Variants in GABRB3 observed in about 807,000 individuals in gnomAD.
GABRB3 encodes gamma-aminobutyric acid receptor subunit beta-3.
Under a neutral mutation model 52.1 loss-of-function variants are expected in GABRB3, and 14 were observed. That is an observed-to-expected ratio of 0.27 (90% confidence interval 0.18 to 0.42). The LOEUF (loss-of-function observed/expected upper bound fraction) is 0.42, where lower values mean the gene tolerates loss of function less well. Among genes scored for constraint, GABRB3 ranks in the 10% least tolerant of loss-of-function variants. The probability of loss-of-function intolerance (pLI) is 1.00; values close to 1 mark genes in which losing one functional copy is unlikely to be tolerated. For synonymous variants in GABRB3, 260 were observed against 232.3 expected, an observed-to-expected ratio of 1.12 and a Z score of -1.08; for missense variants, 307 against 609.1, an observed-to-expected ratio of 0.50 and a Z score of 5.22.
At chr15:26,634,955 T>C (rs367972258) in intron 3 of GABRB3, among the ~76,000 whole-genome samples, 47,070 of 117,310 alleles carry the variant, frequency 0.4, 9,903 homozygotes, top group Middle Eastern at 0.52. Context: ...GATAACTTTC[T>C]CAAGTAAGTA....
At chr15:26,634,163 C>G (rs970797358) in intron 3 of GABRB3, among the ~76,000 whole-genome samples, 15 of 152,186 alleles carry the variant, frequency 9.9e-5, no homozygotes, top group African/African-American at 3.6e-4. Context: ...TGATCAGCCT[C>G]TGGGTCTTCG....
At chr15:26,769,880 T>TA (rs1380780264) in intron 3 of GABRB3, among the ~76,000 whole-genome samples, 1 of 152,174 alleles carries the variant, frequency 6.6e-6, no homozygotes, top group African/African-American at 2.4e-5. Flanking sequence ...ACAACACACT[T>TA]AAAGTGAGAC....
chr15:26,684,723 A>C (rs1346541214), intron 3 of GABRB3, among the ~76,000 whole-genome samples: 1 of 152,128 alleles, frequency 6.6e-6, no homozygotes, highest in Non-Finnish European at 1.5e-5. Context: ...AGAGAAAGAG[A>C]GAGACGGTTG....
intron 3 of GABRB3, among the ~76,000 whole-genome samples, chr15:26,685,706 G>A (rs1888379331): frequency 6.6e-6 from 1 of 151,970 alleles, no homozygotes; most frequent in African/African-American, 2.4e-5. Flanking sequence ...TAGTAGGAGT[G>A]GGCCTCTAAC....
chr15:26,606,817 G>GATATATTGATAGATAT (rs1566770790), intron 4 of GABRB3, among the ~76,000 whole-genome samples: 1 of 12,952 alleles, frequency 7.7e-5, no homozygotes, highest in Non-Finnish European at 3.1e-4. Flanking sequence ...TAGATAGATA[G>GATATATTGATAGATAT]ATAGATAGAT....
chr15:26,620,994 C>T (rs1386929385), intron 4 of GABRB3, among the ~76,000 whole-genome samples: 3 of 152,028 alleles, frequency 2.0e-5, no homozygotes, highest in African/African-American at 7.3e-5. Flanking sequence ...AGTGTCAGGG[C>T]GATATTAATT....
intron 3 of GABRB3, among the ~76,000 whole-genome samples, chr15:26,638,248 A>G (rs1893106935): frequency 6.6e-6 from 1 of 151,814 alleles, no homozygotes; most frequent in Non-Finnish European, 1.5e-5. Context: ...TCCTCATCCT[A>G]CTCAATATCT....
intron 3 of GABRB3, among the ~76,000 whole-genome samples, chr15:26,664,930 C>A (rs946344632): frequency 7.2e-5 from 11 of 151,878 alleles, no homozygotes; most frequent in African/African-American, 2.7e-4. Flanking sequence ...AAACTCCCGA[C>A]CTCAGGTGAT....
At chr15:26,624,294 C>A (rs1892600624) in intron 3 of GABRB3, 1 of 985,528 alleles carries the variant, frequency 1.0e-6, no homozygotes, top group Admixed American at 6.1e-5. Context: ...GTGGTGGCGA[C>A]CACAGAGTTT....
rs1169090796 is a variant in GABRB3 at position 26,545,926 on chromosome 15, G to C, written c.*1867C>G. 6.6e-6 allele frequency: 1 copy of C among 152,604 alleles called. No individual in the cohort carries two copies. Among genetic ancestry groups the C allele is most frequent in the Non-Finnish European group, 1.5e-5 (1 of 68,046 alleles). The allele number at this position is 152,604 out of a possible 1,614,324, so 9.5% of individuals were successfully genotyped here. On this transcript the variant is annotated 3_prime_UTR_variant, in exon 9 of 9. Coordinates refer to ENST00000311550, the MANE Select transcript of GABRB3 (RefSeq NM_000814.6). ...TTTTGTGGATTATGTTTTATCTGAT[G>C]GTGGGTTTTGAACTGTTGCAGATGC...
intron 3 of GABRB3, among the ~76,000 whole-genome samples, chr15:26,760,353 G>A (rs902912386): frequency 6.6e-6 from 1 of 152,130 alleles, no homozygotes; most frequent in African/African-American, 2.4e-5. Context: ...TTAGAAAGAT[G>A]ATCAAACTGA....
At chr15:26,596,639 T>G (rs1312375969) in intron 4 of GABRB3, among the ~76,000 whole-genome samples, 1 of 151,958 alleles carries the variant, frequency 6.6e-6, no homozygotes, top group Non-Finnish European at 1.5e-5. Flanking sequence ...TATAATATAA[T>G]CCACTGCAGA....
At chr15:26,604,022 C>T (rs1296918456) in intron 4 of GABRB3, among the ~76,000 whole-genome samples, 2 of 152,018 alleles carry the variant, frequency 1.3e-5, no homozygotes, top group African/African-American at 2.4e-5. Flanking sequence ...AATTGGAAAA[C>T]CTTGAGACTC....
intron 3 of GABRB3, among the ~76,000 whole-genome samples, chr15:26,641,766 G>A (rs1391265606): frequency 1.3e-5 from 2 of 152,300 alleles, no homozygotes; most frequent in Middle Eastern, 3.4e-3. Flanking sequence ...CCATACTGAT[G>A]TCCTGCACTA....
At chr15:26,766,253 C>A (rs767515815) in intron 3 of GABRB3, among the ~76,000 whole-genome samples, 4 of 151,980 alleles carry the variant, frequency 2.6e-5, no homozygotes, top group Non-Finnish European at 4.4e-5. Flanking sequence ...GACACAGACC[C>A]CTATGAGAAA....
chr15:26,715,783 C>A (rs1445699713), intron 3 of GABRB3, among the ~76,000 whole-genome samples: 1 of 152,098 alleles, frequency 6.6e-6, no homozygotes, highest in African/African-American at 2.4e-5. Context: ...GTCTTGTGTG[C>A]AAAATCCATT....
At chr15:26,723,815 G>A (rs907199973) in intron 3 of GABRB3, among the ~76,000 whole-genome samples, 4 of 152,248 alleles carry the variant, frequency 2.6e-5, no homozygotes, top group East Asian at 1.9e-4. Flanking sequence ...CCAAGGCCAC[G>A]ATTCCTAGGC....
intron 3 of GABRB3, among the ~76,000 whole-genome samples, chr15:26,654,050 C>T (rs2140595741): frequency 6.6e-6 from 1 of 152,314 alleles, no homozygotes; most frequent in Admixed American, 6.5e-5. Context: ...ATGAGGTCCG[C>T]AATAGCTATT....
At chr15:26,554,207 A>ATATATATATATTTATTTAT (rs1348288306) in intron 8 of GABRB3, among the ~76,000 whole-genome samples, 1 of 57,808 alleles carries the variant, frequency 1.7e-5, no homozygotes, top group African/African-American at 4.7e-5. Flanking sequence ...ATATATATAT[A>ATATATATATATTTATTTAT]TAGTAGAAAC....
Sources: gnomAD v4.1 joint callset for allele counts (sites outside exome capture counted in the v4.1 genomes callset) on GRCh38, gnomAD v4.1.1 for gene constraint, MANE v1.5 for transcripts, NCBI Gene and HGNC (gene_info 2026-07-23, HGNC 2026-07-21) for gene names.